The following SNX6 variants were observed in gnomAD, a reference collection of about 807,000 sequenced individuals.
SNX6 encodes the protein sorting nexin 6.
SNX6 carries 34 observed loss-of-function variants against 63.0 expected under a neutral mutation model. The observed-to-expected ratio is 0.54, with a 90% CI of 0.41 to 0.72. The LOEUF (loss-of-function observed/expected upper bound fraction) is 0.72, where lower values mean the gene tolerates loss of function less well. SNX6 is among the 30% of genes least tolerant of loss of function. SNX6 has a pLI of 0.00. For synonymous variants in SNX6, 170 were observed against 164.2 expected (o/e 1.04, Z -0.27); for missense variants, 398 against 471.4 (o/e 0.84, Z 1.44).
At chr14:34,604,269 CT>C (rs1360193352) in intron 5 of SNX6, 16 of 1,266,314 alleles carry the variant, frequency 1.3e-5, no homozygotes, top group Non-Finnish European at 1.5e-5. Context: ...TATCCAACCC[CT>C]AACCAGACCA....
chr14:34,564,130 C>T (rs913000016), intron 13 of SNX6, among the ~76,000 whole-genome samples: 4 of 151,986 alleles, frequency 2.6e-5, no homozygotes, highest in African/African-American at 9.7e-5. Context: ...CGGGTTCAAG[C>T]GATCCTTCTG....
At chr14:34,596,430 C>T (rs575194645) in intron 7 of SNX6, among the ~76,000 whole-genome samples, 1 of 151,474 alleles carries the variant, frequency 6.6e-6, no homozygotes, top group East Asian at 2.0e-4. Flanking sequence ...ACCAGCCTGG[C>T]CAACATGGTG....
intron 4 of SNX6, among the ~76,000 whole-genome samples, chr14:34,606,846 T>C (rs968895920): frequency 6.6e-6 from 1 of 152,146 alleles, no homozygotes; most frequent in African/African-American, 2.4e-5. Context: ...TGGTGGGACC[T>C]TGACTCACTG....
chr14:34,592,437 G>A (rs1041298412), intron 8 of SNX6, among the ~76,000 whole-genome samples: 4 of 152,072 alleles, frequency 2.6e-5, no homozygotes, highest in African/African-American at 4.8e-5. Context: ...GAGACTACTC[G>A]TCCAGTTTGT....
At chr14:34,606,901 A>G (rs1883042452) in intron 4 of SNX6, among the ~76,000 whole-genome samples, 1 of 151,866 alleles carries the variant, frequency 6.6e-6, no homozygotes, top group Non-Finnish European at 1.5e-5. Flanking sequence ...TCAGCCTTCC[A>G]AGTATCTGGG....
At chr14:34,572,166 A>G (rs1881478211) in intron 11 of SNX6, among the ~76,000 whole-genome samples, 1 of 152,170 alleles carries the variant, frequency 6.6e-6, no homozygotes, top group Non-Finnish European at 1.5e-5. Flanking sequence ...CATTTTAGCC[A>G]TTCTAATTAA....
In SNX6 at chr14:34,626,840, C is replaced by T. The variant is rs529914474; in HGVS notation, c.54+3067G>A. ...TTTTACTGAACATTATTAAGATCCT[C>T]CAAGAAAGCAAATCCTGTTTGCTTG... On this transcript the variant is annotated intron_variant, in intron 2 of 13. Coordinates refer to ENST00000362031, the MANE Select transcript of SNX6 (RefSeq NM_152233.4). Among the ~76,000 whole-genome samples the T allele has an allele frequency of 3.3e-5, 5 of 152,196 alleles. No homozygotes were observed. The South Asian group carries it at 8.3e-4, about 25-fold the overall frequency.
intron 5 of SNX6, among the ~76,000 whole-genome samples, chr14:34,605,126 T>C (rs1594736052): frequency 6.6e-6 from 1 of 152,108 alleles, no homozygotes; most frequent in African/African-American, 2.4e-5. Context: ...GAAAACAGAA[T>C]ATATGCAGTT....
At chr14:34,563,853 G>A (rs933514755) in intron 13 of SNX6, among the ~76,000 whole-genome samples, 27 of 151,796 alleles carry the variant, frequency 1.8e-4, no homozygotes, top group Middle Eastern at 3.4e-3. Context: ...ATTCTCCTGC[G>A]TCAGCCTCCC....
rs932168266 is a variant in SNX6, at chr14:34,569,127, C to A, written c.922-1114G>T. On this transcript the variant is annotated intron_variant, in intron 11 of 13. Transcript: ENST00000362031. ...TCACATCTTTTACAGTAACTCCAGGCATCATGCGGCCCGGCCTGTGCACTG... is the reference window on the plus strand; with the variant it reads ...TCACATCTTTTACAGTAACTCCAGGAATCATGCGGCCCGGCCTGTGCACTG... 1.8e-5 allele frequency: 16 copies of A among 866,888 alleles called. No individual in the cohort carries two copies. The East Asian group carries it at 2.9e-4, about 16-fold the overall frequency. 53.7% of individuals were successfully genotyped at this position (866,888 alleles called of 1,614,324 possible).
At chr14:34,606,112 T>G in intron 4 of SNX6, among the ~76,000 whole-genome samples, 1 of 151,402 alleles carries the variant, frequency 6.6e-6, no homozygotes, top group African/African-American at 2.4e-5. Context: ...AGTCGGAGGT[T>G]GCAGTGAGCC....
Position 34,593,039 on chromosome 14 carries a change from T to C in SNX6, c.718+6A>G, listed in dbSNP as rs774133406. On this transcript the variant is annotated splice_donor_region_variant and intron_variant, in intron 8 of 13. Transcript: ENST00000362031. ...GATATAAGCTTTAGCCACAGAAAAA[T>C]CTTACTTTTGTGGGATCTTGTCATT... 1.0e-5 allele frequency: 16 copies of C among 1,557,748 alleles called. No individual in the cohort carries two copies. The Admixed American group carries it at 3.0e-4, about 29-fold the overall frequency.
intron 6 of SNX6, among the ~76,000 whole-genome samples, chr14:34,601,329 G>A (rs1442893718): frequency 6.6e-6 from 1 of 151,380 alleles, no homozygotes; most frequent in Non-Finnish European, 1.5e-5. Flanking sequence ...GGGGTCAAGC[G>A]ATTCTCTTGC....
chr14:34,570,295 A>AC (rs1881386996), intron 11 of SNX6, among the ~76,000 whole-genome samples: 1 of 150,820 alleles, frequency 6.6e-6, no homozygotes. Context: ...TGAACTCCCG[A>AC]CCTCAAGTAA....
At chr14:34,616,119 C>A (rs915482917) in intron 2 of SNX6, among the ~76,000 whole-genome samples, 2 of 152,058 alleles carry the variant, frequency 1.3e-5, no homozygotes, top group African/African-American at 4.8e-5. Context: ...CCACACCCAG[C>A]TAATTTTTGT....
At chr14:34,574,204 C>T (rs1020328621) in intron 11 of SNX6, among the ~76,000 whole-genome samples, 1 of 150,954 alleles carries the variant, frequency 6.6e-6, no homozygotes, top group African/African-American at 2.4e-5. Flanking sequence ...GGCGCGGTGG[C>T]GGGCACCTGT....
At chr14:34,607,133 A>G (rs1350694656) in intron 4 of SNX6, among the ~76,000 whole-genome samples, 2 of 152,156 alleles carry the variant, frequency 1.3e-5, no homozygotes, top group Non-Finnish European at 2.9e-5. Context: ...TCCCTAGGAC[A>G]AGCCCATTTC....
Position 34,586,167 on chromosome 14 carries a change from C to T in SNX6, c.794+63G>A, listed in dbSNP as rs1594713680. Reference sequence around the variant, plus strand: ...CCACCCACCTTCGCCTCCCAAAGTGCTGGGATTACAGGCGTGAGCCACCGC... The same window carrying T: ...CCACCCACCTTCGCCTCCCAAAGTGTTGGGATTACAGGCGTGAGCCACCGC... On this transcript the variant is annotated intron_variant, in intron 9 of 13. Coordinates refer to ENST00000362031, the MANE Select transcript of SNX6 (RefSeq NM_152233.4). The T allele has an allele frequency of 4.9e-6, 5 of 1,019,952 alleles. No individual in the cohort carries two copies. The East Asian group carries it at 1.0e-4, about 21-fold the overall frequency. The allele number at this position is 1,019,952 out of a possible 1,614,324, so 63.2% of individuals were successfully genotyped here. A position where few individuals can be genotyped will look rare whatever the true frequency, so the allele number is the denominator to read the frequency against.
chr14:34,578,832 G>A (rs1881815956), intron 10 of SNX6, among the ~76,000 whole-genome samples: 1 of 148,730 alleles, frequency 6.7e-6, no homozygotes, highest in African/African-American at 2.5e-5. Flanking sequence ...CCAGCTACTC[G>A]GGAGGCTGAG....
Sources: gnomAD v4.1 joint callset for allele counts (sites outside exome capture counted in the v4.1 genomes callset) on GRCh38, gnomAD v4.1.1 for gene constraint, MANE v1.5 for transcripts, NCBI Gene and HGNC (gene_info 2026-07-23, HGNC 2026-07-21) for gene names.